PREPL: variants seen among roughly 807,000 people sequenced by gnomAD.
PREPL encodes the protein prolyl endopeptidase like, also known as prolyl endopeptidase-like.
PREPL carries 77 observed loss-of-function variants against 70.6 expected under a neutral mutation model. That is an observed-to-expected ratio of 1.09 (90% CI 0.91 to 1.32). The LOEUF (loss-of-function observed/expected upper bound fraction) is 1.32. PREPL is among the 40% of genes most tolerant of loss of function. PREPL has a pLI of 0.00. For missense variants in PREPL, 1,002 were observed against 778.2 expected, an observed-to-expected ratio of 1.29 and a Z score of -3.42; for synonymous variants, 315 against 264.8, an observed-to-expected ratio of 1.19 and a Z score of -1.84.
At chr2:44,323,012 G>C (rs984733198) in intron 11 of PREPL, among the ~76,000 whole-genome samples, 158 bp from the exon 12 acceptor site, 1 of 152,092 alleles carries the variant, frequency 6.6e-6, no homozygotes, top group Non-Finnish European at 1.5e-5. Flanking sequence ...TACAGTAGTA[G>C]ACTACTTGTT....
At chr2:44,323,502 A>G in intron 10 of PREPL, 91 bp from the exon 11 acceptor site, 2 of 1,021,376 alleles carry the variant, frequency 2.0e-6, no homozygotes, top group Non-Finnish European at 2.7e-6. Context: ...ATACATACTA[A>G]TATGAGAGAA....
chr2:44,352,043 C>G (rs899790768), intron 1 of PREPL, among the ~76,000 whole-genome samples: 1 of 152,172 alleles, frequency 6.6e-6, no homozygotes, highest in Non-Finnish European at 1.5e-5. Context: ...CAAGCTTGCT[C>G]CCATATCAGT....
Position 44,321,021 on chromosome 2 carries a change from G to C in PREPL, c.*335C>G. ...GTCTAAAAGCATTTGCTAGCAAAGA[G>C]GCAGGACACTAATTTGTAAACTGCT... On this transcript the variant is annotated 3_prime_UTR_variant, in exon 14 of 14. Transcript: ENST00000409411. The C allele has an allele frequency of 2.6e-6, 1 of 385,346 alleles. No individual in the cohort carries two copies. Among genetic ancestry groups the C allele is most frequent in the South Asian group, 2.9e-5 (1 of 34,916 alleles). 23.9% of individuals were successfully genotyped at this position (385,346 alleles called of 1,614,324 possible).
In PREPL at chr2:44,320,392, T is replaced by C; in HGVS notation, c.*964A>G. The C allele has an allele frequency of 6.2e-7, 1 of 1,614,066 alleles. No individual in the cohort carries two copies. The highest frequency in any genetic ancestry group is 1.1e-5 in the South Asian group (1 of 91,082). On this transcript the variant is annotated 3_prime_UTR_variant, in exon 14 of 14. Transcript: ENST00000409411. The stretch of plus-strand genomic sequence containing the variant: ...GTTCTGAATTTTGGAGAATCAACAC[T>C]GTTAAATCTACATAATATGATTTCG...
In PREPL at chr2:44,349,438, TAATA is replaced by T. The variant is rs535670488; in HGVS notation, c.-48-3052_-48-3049del. On this transcript the variant is annotated intron_variant, in intron 1 of 13. Coordinates refer to ENST00000409411, the MANE Select transcript of PREPL (RefSeq NM_001171613.2). ...CTGGAGCCTCAAAAAGAATAATAAA[TAATA>T]AATAATACATTGAAAAAACATAAAT... is the stretch of plus-strand genomic sequence containing the variant. Among the ~76,000 whole-genome samples the T allele has an allele frequency of 3.8e-3, 577 of 151,846 alleles. 4 individuals are homozygous for T. The highest frequency in any genetic ancestry group is 0.019 in the South Asian group (91 of 4,800).
intron 7 of PREPL, among the ~76,000 whole-genome samples, chr2:44,334,743 A>T (rs1674464431): frequency 6.6e-6 from 1 of 151,964 alleles, no homozygotes; most frequent in Non-Finnish European, 1.5e-5. Flanking sequence ...TTTGTATTTT[A>T]TATTTTTTGT....
chr2:44,361,762 CA>C (rs1677849746), upstream of PREPL: 4 of 545,678 alleles, frequency 7.3e-6, no homozygotes, highest in Non-Finnish European at 1.2e-5. Flanking sequence ...ACAGCTCTCT[CA>C]TCCTCTGGTC....
rs1558495741 is a variant in PREPL, at chr2:44,332,583, G to A, written c.962C>T (p.Ser321Phe). 1 of 1,613,934 alleles carries A rather than the reference G, an allele frequency of 6.2e-7. No homozygotes were observed. Residue 321 changes from serine (S) to phenylalanine (F), a missense_variant, in exon 8 of 14, where the codon TCT (serine) becomes TTT (phenylalanine). Ser to Phe is a radical substitution (Grantham distance 155, BLOSUM62 -2). Transcript: ENST00000409411. The stretch of plus-strand genomic sequence containing the variant: ...GTAATATTTTGGGGGACGTATTGGA[G>A]AGCAAAGTTGAAAGGGGCAGTTCTT... ...DPKNCPFQLC[S>F]PIRPPKYYTY...
At chr2:44,353,692 G>C (rs368660797) in intron 1 of PREPL, among the ~76,000 whole-genome samples, 6 of 152,014 alleles carry the variant, frequency 3.9e-5, no homozygotes, top group African/African-American at 1.4e-4. Context: ...ATGAAAGTGA[G>C]AGTCAAGAAT....
chr2:44,341,613 A>T (rs1362946793), intron 5 of PREPL, among the ~76,000 whole-genome samples: 3 of 152,106 alleles, frequency 2.0e-5, no homozygotes, highest in Non-Finnish European at 4.4e-5. Flanking sequence ...AATGTGTCTA[A>T]GAGAATATAC....
At chr2:44,344,075 A>G (rs940410048) in intron 3 of PREPL, 124 bp from the exon 4 acceptor site, 1 of 1,148,280 alleles carries the variant, frequency 8.7e-7, no homozygotes, top group African/African-American at 2.2e-5. Flanking sequence ...GCTTCTTTCA[A>G]CAATGATGGC....
intron 9 of PREPL, among the ~76,000 whole-genome samples, chr2:44,327,826 G>C (rs1054691608): frequency 6.6e-6 from 1 of 151,944 alleles, no homozygotes; most frequent in African/African-American, 2.4e-5. Flanking sequence ...TTGCGCCACT[G>C]CACTCTAGCC....
chr2:44,354,283 T>C (rs1397943910), intron 1 of PREPL, among the ~76,000 whole-genome samples: 5 of 152,234 alleles, frequency 3.3e-5, no homozygotes, highest in Non-Finnish European at 7.3e-5. Flanking sequence ...TTAATTTAAC[T>C]ATTAATTCAT....
At chr2:44,348,304 G>T (rs1003134351) in intron 1 of PREPL, among the ~76,000 whole-genome samples, 1 of 152,132 alleles carries the variant, frequency 6.6e-6, no homozygotes, top group Non-Finnish European at 1.5e-5. Flanking sequence ...TCTTTAAAGT[G>T]GTGAGACATG....
chr2:44,319,972 G>A lies in PREPL; in HGVS notation c.*1384C>T, dbSNP rs1672783607. The A allele has an allele frequency of 1.1e-5, 6 of 538,280 alleles. No individual in the cohort carries two copies. The East Asian group carries it at 2.0e-4, about 18-fold the overall frequency. 33.3% of individuals were successfully genotyped at this position (538,280 alleles called of 1,614,324 possible). ...AAACTCTACAATGTAGCAGAGCACT[G>A]TGCGTACTTATTGACTCCCAGACAA... is the stretch of plus-strand genomic sequence containing the variant. On this transcript the variant is annotated 3_prime_UTR_variant, in exon 14 of 14. Coordinates refer to ENST00000409411, the MANE Select transcript of PREPL (RefSeq NM_001171613.2).
chr2:44,327,577 G>T (rs532130380), intron 9 of PREPL, among the ~76,000 whole-genome samples: 28 of 152,156 alleles, frequency 1.8e-4, no homozygotes, highest in Non-Finnish European at 2.8e-4. Flanking sequence ...CATGACTTTG[G>T]GGGCTGGACA....
chr2:44,338,973 C>T (rs1310331978), intron 6 of PREPL, among the ~76,000 whole-genome samples, 174 bp downstream of exon 6: 1 of 152,084 alleles, frequency 6.6e-6, no homozygotes, highest in East Asian at 1.9e-4. Context: ...ACTTTTTAGG[C>T]ACAATTAAAA....
intron 1 of PREPL, among the ~76,000 whole-genome samples, chr2:44,352,517 C>G (rs1225489935): frequency 1.3e-5 from 2 of 152,184 alleles, no homozygotes; most frequent in Non-Finnish European, 2.9e-5. Flanking sequence ...CCACCTCAGC[C>G]TCCCAAAGTA....
chr2:44,339,097 T>A, intron 6 of PREPL, 50 bp downstream of exon 6: 1 of 1,601,710 alleles, frequency 6.2e-7, no homozygotes, highest in Non-Finnish European at 8.5e-7. Context: ...TTGATCGAAG[T>A]GTGACACTTC....
Sources: gnomAD v4.1 joint callset for allele counts (sites outside exome capture counted in the v4.1 genomes callset) on GRCh38, gnomAD v4.1.1 for gene constraint, MANE v1.5 for transcripts, NCBI Gene and HGNC (gene_info 2026-07-23, HGNC 2026-07-21) for gene names.